Variants in CADPS observed in about 807,000 individuals in gnomAD.
CADPS encodes calcium-dependent secretion activator 1.
CADPS carries 57 observed loss-of-function variants against 167.3 expected under a neutral mutation model. The ratio of observed to expected loss-of-function variants is 0.34; its 90% CI spans 0.28 to 0.42. The LOEUF (loss-of-function observed/expected upper bound fraction) is 0.42. Among genes scored for constraint, CADPS ranks in the 20% least tolerant of loss-of-function variants. CADPS has a pLI of 1.00. For missense variants in CADPS, 1,414 were observed against 1,738.1 expected (o/e 0.81, Z 3.32); for synonymous variants, 676 against 635.3 (o/e 1.06, Z -0.96).
chr3:62,746,232 A>G (rs2081417344), intron 3 of CADPS, among the ~76,000 whole-genome samples: 1 of 152,208 alleles, frequency 6.6e-6, no homozygotes, highest in South Asian at 2.1e-4. Flanking sequence ...ATAGTATATG[A>G]CAAGAATGAG....
chr3:62,854,752 TTTGTACTTGA>T (rs531605766), intron 1 of CADPS, among the ~76,000 whole-genome samples: 2 of 152,180 alleles, frequency 1.3e-5, no homozygotes, highest in Non-Finnish European at 2.9e-5. Flanking sequence ...ATATTTCCTG[TTTGTACTTGA>T]TAAATTCTTT....
chr3:62,737,445 G>A (rs898939446), intron 3 of CADPS, among the ~76,000 whole-genome samples: 3 of 151,454 alleles, frequency 2.0e-5, no homozygotes, highest in African/African-American at 7.3e-5. Flanking sequence ...TCTAGCCTGG[G>A]CAACAGAGTG....
At chr3:62,572,206 A>G (rs139898471) in intron 8 of CADPS, among the ~76,000 whole-genome samples, 179 of 152,278 alleles carry the variant, frequency 1.2e-3, no homozygotes, top group Non-Finnish European at 2.2e-3. Flanking sequence ...GGCAGCCAAA[A>G]TCTATTCAGA....
At chr3:62,614,287 A>T (rs1434488609) in intron 6 of CADPS, among the ~76,000 whole-genome samples, 1 of 152,200 alleles carries the variant, frequency 6.6e-6, no homozygotes, top group African/African-American at 2.4e-5. Context: ...GACAAAAGTC[A>T]CATGTTTGCT....
chr3:62,836,730 T>C (rs1033218559), intron 1 of CADPS, among the ~76,000 whole-genome samples: 2 of 152,212 alleles, frequency 1.3e-5, no homozygotes, highest in Non-Finnish European at 2.9e-5. Context: ...AGCTTCATCC[T>C]GAAGGCTGTG....
At chr3:62,867,323 A>G (rs541811164) in intron 1 of CADPS, among the ~76,000 whole-genome samples, 1 of 152,120 alleles carries the variant, frequency 6.6e-6, no homozygotes, top group African/African-American at 2.4e-5. Flanking sequence ...CAATTGAGTG[A>G]CCCAAGACCC....
At position 62,421,193 on chromosome 3, in the gene CADPS, C is replaced by G. The variant is rs1430257763; in HGVS notation, c.3777+16911G>C. 1.3e-5 allele frequency among the ~76,000 whole-genome samples: 2 copies of G among 152,132 alleles called. No individual in the cohort carries two copies. The highest frequency in any genetic ancestry group is 2.9e-5 in the Non-Finnish European group (2 of 68,020). On this transcript the variant is annotated intron_variant, in intron 28 of 29. Transcript: ENST00000383710. The surrounding 1 kb of genome is among the most constrained non-coding windows in gnomAD (Gnocchi z 4.7). Reference sequence around the variant, plus strand: ...AATACGTGAGGCCCGGATCACTCTGCCTTGCCGTCAATGCTTCTCGTCCAC... The same window carrying G: ...AATACGTGAGGCCCGGATCACTCTGGCTTGCCGTCAATGCTTCTCGTCCAC...
At chr3:62,872,954 C>T (rs2082897388) in intron 1 of CADPS, among the ~76,000 whole-genome samples, 1 of 152,166 alleles carries the variant, frequency 6.6e-6, no homozygotes, top group South Asian at 2.1e-4. Context: ...AATAGGAATT[C>T]CAAACTGAAA....
chr3:62,863,907 G>A (rs1393545634), intron 1 of CADPS, among the ~76,000 whole-genome samples: 2 of 152,172 alleles, frequency 1.3e-5, no homozygotes, highest in African/African-American at 2.4e-5. Context: ...GAATCTGGAT[G>A]AGAAGAAAAA....
intron 24 of CADPS, among the ~76,000 whole-genome samples, chr3:62,471,638 G>T (rs1477238613): frequency 1.3e-5 from 2 of 152,088 alleles, no homozygotes; most frequent in African/African-American, 2.4e-5. Flanking sequence ...AAGCTGGGGA[G>T]GGACTGCAAA....
chr3:62,583,031 CGA>C (rs199869149), intron 8 of CADPS, among the ~76,000 whole-genome samples: 79,544 of 151,322 alleles, frequency 0.53, 23,352 homozygotes, highest in East Asian at 0.66. Context: ...AGAGAGAACT[CGA>C]ATGTAGGTTG....
chr3:62,616,320 T>C (rs1225312416), intron 6 of CADPS, among the ~76,000 whole-genome samples: 1 of 152,202 alleles, frequency 6.6e-6, no homozygotes, highest in African/African-American at 2.4e-5. Context: ...CCTTCTGTCT[T>C]GTGTCAGGCA....
intron 3 of CADPS, among the ~76,000 whole-genome samples, chr3:62,742,214 A>T (rs575898892): frequency 2.0e-5 from 3 of 152,330 alleles, no homozygotes; most frequent in South Asian, 4.1e-4. Flanking sequence ...AGCAATTTAT[A>T]GATTCAATGC....
At chr3:62,716,547 G>A (rs2084669521) in intron 3 of CADPS, among the ~76,000 whole-genome samples, 1 of 152,168 alleles carries the variant, frequency 6.6e-6, no homozygotes. Context: ...AAAGCACTTT[G>A]CCCTTTTCTG....
intron 3 of CADPS, among the ~76,000 whole-genome samples, chr3:62,679,975 C>G (rs2076897064): frequency 2.0e-5 from 3 of 151,910 alleles, no homozygotes; most frequent in Admixed American, 2.0e-4. Flanking sequence ...AAAGATCCTT[C>G]CATAAACTTT....
intron 2 of CADPS, among the ~76,000 whole-genome samples, chr3:62,756,198 A>T (rs1279205358): frequency 6.6e-6 from 1 of 151,978 alleles, no homozygotes. Flanking sequence ...GATTACAGGC[A>T]TCTGCCACCA....
At chr3:62,677,581 G>A (rs2076524169) in intron 3 of CADPS, among the ~76,000 whole-genome samples, 1 of 152,096 alleles carries the variant, frequency 6.6e-6, no homozygotes, top group Non-Finnish European at 1.5e-5. Context: ...GACAGCCCCT[G>A]CAACAAGGAA....
chr3:62,419,213 C>A (rs1212153988), intron 28 of CADPS, among the ~76,000 whole-genome samples: 1 of 152,104 alleles, frequency 6.6e-6, no homozygotes, highest in East Asian at 1.9e-4. Context: ...GTGATTAAGC[C>A]CCAATCAGCT....
At chr3:62,542,150 A>G (rs2075787517) in intron 11 of CADPS, among the ~76,000 whole-genome samples, 1 of 152,146 alleles carries the variant, frequency 6.6e-6, no homozygotes, top group Non-Finnish European at 1.5e-5. Context: ...CTTCTCTCTC[A>G]TGAATCCCTT....
Sources: allele counts gnomAD v4.1 joint callset (sites outside exome capture counted in the v4.1 genomes callset), GRCh38; gene constraint gnomAD v4.1.1; non-coding constraint Gnocchi (gnomAD v3.1); transcripts MANE v1.5; gene names NCBI Gene and HGNC (gene_info 2026-07-23, HGNC 2026-07-21).